LTBP1: variants seen among roughly 807,000 people sequenced by gnomAD.
LTBP1 encodes latent transforming growth factor beta binding protein 1.
A neutral mutation model predicts 207.6 loss-of-function variants in LTBP1; 129 were observed. The ratio of observed to expected loss-of-function variants is 0.62; its 90% CI spans 0.54 to 0.72. The LOEUF is 0.72. Among genes scored for constraint, LTBP1 ranks in the 30% least tolerant of loss-of-function variants. The probability of loss-of-function intolerance (pLI) is 0.00; values close to 1 mark genes in which losing one functional copy is unlikely to be tolerated. For synonymous variants in LTBP1, 963 were observed against 833.7 expected (o/e 1.16, Z -2.67); for missense variants, 2,281 against 2,217.2 (o/e 1.03, Z -0.58).
At chr2:33,307,261 C>T (rs561763554) in intron 22 of LTBP1, among the ~76,000 whole-genome samples, 2 of 152,256 alleles carry the variant, frequency 1.3e-5, no homozygotes, top group East Asian at 3.9e-4. Flanking sequence ...AATTCCATGA[C>T]CCATGCATCG....
intron 3 of LTBP1, among the ~76,000 whole-genome samples, chr2:33,062,856 G>C (rs2077335117): frequency 6.6e-6 from 1 of 152,208 alleles, no homozygotes. Flanking sequence ...GAAGGTGTGA[G>C]TCATGTCCCA....
At chr2:33,284,788 A>C (rs772333230) in intron 19 of LTBP1, among the ~76,000 whole-genome samples, 1 of 152,210 alleles carries the variant, frequency 6.6e-6, no homozygotes, top group Non-Finnish European at 1.5e-5. Context: ...TTTGGGCTAC[A>C]TGACCTCTCT....
intron 22 of LTBP1, among the ~76,000 whole-genome samples, chr2:33,308,642 A>G (rs1192827810): frequency 2.0e-5 from 3 of 152,318 alleles, no homozygotes; most frequent in East Asian, 1.9e-4. Context: ...TTTTGTGACA[A>G]TTCTTATGTT....
At chr2:33,142,408 A>G (rs1284690521) in intron 5 of LTBP1, among the ~76,000 whole-genome samples, 1 of 151,926 alleles carries the variant, frequency 6.6e-6, no homozygotes, top group Non-Finnish European at 1.5e-5. Context: ...TTTGGTATGG[A>G]GCTTGCTTTT....
chr2:33,326,616 A>C (rs2094430596), intron 24 of LTBP1, among the ~76,000 whole-genome samples: 1 of 146,520 alleles, frequency 6.8e-6, no homozygotes, highest in African/African-American at 2.7e-5. Context: ...TTCAAAGCCT[A>C]CTGAAAATGA....
intron 6 of LTBP1, 142 bp downstream of exon 6, chr2:33,187,222 A>G (rs1183262778): frequency 4.5e-6 from 3 of 669,236 alleles, no homozygotes; most frequent in Non-Finnish European, 7.7e-6. Flanking sequence ...ATGGCAGTAG[A>G]GACAGAATGT....
intron 26 of LTBP1, among the ~76,000 whole-genome samples, chr2:33,357,321 C>T (rs1306706242): frequency 2.0e-5 from 3 of 152,150 alleles, no homozygotes; most frequent in Non-Finnish European, 2.9e-5. Context: ...TATTTGTGGC[C>T]TTGTTGCTGA....
At chr2:33,035,291 A>G (rs1002274294) in intron 3 of LTBP1, among the ~76,000 whole-genome samples, 1 of 152,236 alleles carries the variant, frequency 6.6e-6, no homozygotes, top group African/African-American at 2.4e-5. Context: ...AATTTAAAAA[A>G]TTCTAACTGG....
At chr2:33,367,479 A>G (rs1408573734) in intron 31 of LTBP1, among the ~76,000 whole-genome samples, 3 of 151,982 alleles carry the variant, frequency 2.0e-5, no homozygotes, top group Non-Finnish European at 4.4e-5. Flanking sequence ...CCAATAGGTA[A>G]TTTTTCAACC....
chr2:33,158,010 C>G (rs1410543292), intron 5 of LTBP1, among the ~76,000 whole-genome samples: 1 of 151,998 alleles, frequency 6.6e-6, no homozygotes, highest in African/African-American at 2.4e-5. Context: ...GTGGCATGTG[C>G]CTATAATCCC....
chr2:33,037,096 A>G (rs2075962151), intron 3 of LTBP1, among the ~76,000 whole-genome samples: 1 of 152,042 alleles, frequency 6.6e-6, no homozygotes. Flanking sequence ...ATTTTTGAGT[A>G]TGTGTGATTT....
chr2:33,203,920 G>A (rs568617383), intron 7 of LTBP1, among the ~76,000 whole-genome samples: 1 of 152,256 alleles, frequency 6.6e-6, no homozygotes, highest in East Asian at 1.9e-4. Context: ...TTGAATTGAT[G>A]GTTGATTTTG....
intron 9 of LTBP1, among the ~76,000 whole-genome samples, chr2:33,240,545 T>G (rs966140336): frequency 6.6e-6 from 1 of 152,172 alleles, no homozygotes; most frequent in Non-Finnish European, 1.5e-5. Context: ...AATGTCTTAT[T>G]AATTTATTAA....
rs538338631 is a variant in LTBP1 at position 32,947,621 on chromosome 2, A to ACCG, written c.316_318dup (p.Pro106dup). On this transcript the variant is annotated inframe_insertion, in exon 1 of 34. Coordinates refer to ENST00000404816, the MANE Select transcript of LTBP1 (RefSeq NM_206943.4). ...GCGGCGCGGCCCTGCAGGGGCTCAG[A>ACCG]CCGCCGCCGCCGCCGCCGCCGGAGC... 1.8e-3 allele frequency: 2,408 copies of ACCG among 1,327,122 alleles called. 18 individuals carry two copies. The East Asian group carries it at 0.034, about 19-fold the overall frequency. The allele number at this position is 1,327,122 out of a possible 1,614,324, so 82.2% of individuals were successfully genotyped here.
chr2:32,947,381 C>T lies in LTBP1; in HGVS notation c.57C>T (p.Ser19=). 1 of 1,372,712 alleles carries T rather than the reference C, an allele frequency of 7.3e-7. No individual in the cohort carries two copies. The highest frequency in any genetic ancestry group is 9.4e-7 in the Non-Finnish European group (1 of 1,064,156). The allele number at this position is 1,372,712 out of a possible 1,614,324, so 85.0% of individuals were successfully genotyped here. ...TGCTCTGGGCAGGGCTCCTCGCGTC[C>T]TCGGCGCACGGCCGGCTGCGGAGGA... ...GLLLWAGLLA[S]SAHGRLRRIT... The change falls in exon 1 of 34, where the codon TCC becomes TCT. Residue 19 remains serine (S), a synonymous_variant. Transcript: ENST00000404816.
chr2:33,195,225 A>G (rs552039474), intron 7 of LTBP1, among the ~76,000 whole-genome samples: 1 of 152,334 alleles, frequency 6.6e-6, no homozygotes, highest in African/African-American at 2.4e-5. Context: ...AAGTCTTATT[A>G]TTTAAGAAAT....
intron 3 of LTBP1, among the ~76,000 whole-genome samples, chr2:33,087,682 T>A (rs2078842904): frequency 6.6e-6 from 1 of 152,212 alleles, no homozygotes; most frequent in African/African-American, 2.4e-5. Context: ...TCTCAAACCA[T>A]CTTTCAGAAA....
chr2:33,028,720 A>G lies in LTBP1; in HGVS notation c.863+7514A>G, dbSNP rs145566854. ...GCAAATGATGGGACCCACTTCTTGT[A>G]TATCTCTGGATGTCATAAGGGTTTT... is the stretch of plus-strand genomic sequence containing the variant. On this transcript the variant is annotated intron_variant, in intron 3 of 33. Coordinates refer to ENST00000404816, the MANE Select transcript of LTBP1 (RefSeq NM_206943.4). Among the ~76,000 whole-genome samples, 9 of 152,308 alleles carry G rather than the reference A, an allele frequency of 5.9e-5. No homozygotes were observed. In the East Asian group the frequency reaches 1.7e-3, roughly 29 times the overall value.
At chr2:33,033,187 A>G (rs1392198720) in intron 3 of LTBP1, among the ~76,000 whole-genome samples, 6 of 152,072 alleles carry the variant, frequency 3.9e-5, no homozygotes, top group African/African-American at 1.4e-4. Flanking sequence ...TGATAACTGG[A>G]ATGTTTCTTC....
Sources: allele counts gnomAD v4.1 joint callset (sites outside exome capture counted in the v4.1 genomes callset), GRCh38; gene constraint gnomAD v4.1.1; transcripts MANE v1.5; gene names NCBI Gene and HGNC (gene_info 2026-07-23, HGNC 2026-07-21).